CHN2: variants seen among roughly 807,000 people sequenced by gnomAD.
CHN2 encodes the protein chimerin 2, also known as beta-chimaerin.
Under a neutral mutation model 56.3 loss-of-function variants are expected in CHN2, and 35 were observed. That is an observed-to-expected ratio of 0.62 (90% CI 0.47 to 0.82). CHN2 has a LOEUF of 0.82. Among genes scored for constraint, CHN2 ranks in the 40% least tolerant of loss-of-function variants. The probability of loss-of-function intolerance (pLI) is 0.00; values close to 1 mark genes in which losing one functional copy is unlikely to be tolerated. For missense variants in CHN2, 491 were observed against 580.5 expected (o/e 0.85, Z 1.58); for synonymous variants, 210 against 212.8 (o/e 0.99, Z 0.12).
intron 12 of CHN2, 193 bp downstream of exon 12, chr7:29,509,599 C>G (rs1275357927): frequency 2.2e-6 from 1 of 455,504 alleles, no homozygotes; most frequent in Non-Finnish European, 4.1e-6. Flanking sequence ...AATCCCAGCA[C>G]TTTGGGAGGC....
chr7:29,169,580 A>G (rs1275253659), intron 2 of CHN2, among the ~76,000 whole-genome samples: 1 of 152,190 alleles, frequency 6.6e-6, no homozygotes, highest in Admixed American at 6.5e-5. Flanking sequence ...CTGAAGAGTA[A>G]CTGAAAAGAC....
intron 1 of CHN2, among the ~76,000 whole-genome samples, chr7:29,218,440 A>G (rs183386185): frequency 0.012 from 1,903 of 152,278 alleles, 37 homozygotes; most frequent in African/African-American, 0.043. Context: ...TGACCCAGCC[A>G]TCCCATTACT....
chr7:29,418,330 G>C (rs1180758391), intron 6 of CHN2, among the ~76,000 whole-genome samples: 1 of 152,252 alleles, frequency 6.6e-6, no homozygotes, highest in Non-Finnish European at 1.5e-5. Context: ...AGCGCGGGGA[G>C]GAGGCATGAT....
At chr7:29,346,366 GCCCA>G (rs562821297) in intron 1 of CHN2, among the ~76,000 whole-genome samples, 100 of 152,290 alleles carry the variant, frequency 6.6e-4, no homozygotes, top group African/African-American at 2.1e-3. Flanking sequence ...CCCATTCTGG[GCCCA>G]TTAAGCTAAT....
intron 6 of CHN2, among the ~76,000 whole-genome samples, chr7:29,435,221 C>A (rs567483507): frequency 1.3e-5 from 2 of 152,230 alleles, no homozygotes; most frequent in South Asian, 4.1e-4. Flanking sequence ...TGAGAGAAAC[C>A]AAAAGTGAAT....
At chr7:29,447,139 C>G (rs930096882) in intron 6 of CHN2, among the ~76,000 whole-genome samples, 1 of 152,138 alleles carries the variant, frequency 6.6e-6, no homozygotes, top group Non-Finnish European at 1.5e-5. Flanking sequence ...AAAACATCAT[C>G]TATGAGGGGA....
chr7:29,325,307 T>C (rs571385325), intron 1 of CHN2, among the ~76,000 whole-genome samples: 1 of 152,300 alleles, frequency 6.6e-6, no homozygotes, highest in African/African-American at 2.4e-5. Flanking sequence ...AGATGTGAGA[T>C]TTGAATTCAT....
At chr7:29,503,244 T>A (rs757868528) in intron 9 of CHN2, among the ~76,000 whole-genome samples, 4 of 152,104 alleles carry the variant, frequency 2.6e-5, no homozygotes. Flanking sequence ...GCAAGCTCGC[T>A]CTCTCACTCT....
chr7:29,453,409 G>A (rs1366410264), intron 6 of CHN2, among the ~76,000 whole-genome samples: 1 of 152,178 alleles, frequency 6.6e-6, no homozygotes, highest in African/African-American at 2.4e-5. Context: ...AGTGTCAGCT[G>A]TTTACAGAAA....
intron 2 of CHN2, chr7:29,147,234 C>T (rs1792865007): frequency 2.3e-6 from 1 of 437,726 alleles, no homozygotes. Context: ...AAGTAGATAA[C>T]ACAAAATAAA....
intron 1 of CHN2, among the ~76,000 whole-genome samples, chr7:29,244,335 C>T (rs1787911037): frequency 6.6e-6 from 1 of 152,194 alleles, no homozygotes; most frequent in African/African-American, 2.4e-5. Context: ...ATACAATCCA[C>T]CTCCCACACA....
At chr7:29,264,178 C>A (rs908097163) in intron 1 of CHN2, among the ~76,000 whole-genome samples, 2 of 138,722 alleles carry the variant, frequency 1.4e-5, no homozygotes. Context: ...TCTGCCTGGC[C>A]GCCCTGTCTG....
At chr7:29,271,925 C>T (rs891372901) in intron 1 of CHN2, among the ~76,000 whole-genome samples, 1 of 152,238 alleles carries the variant, frequency 6.6e-6, no homozygotes, top group Middle Eastern at 3.4e-3. Flanking sequence ...AGCTGGGGCT[C>T]ACTGGTTCTT....
chr7:29,214,598 T>G (rs1785203356), intron 1 of CHN2, among the ~76,000 whole-genome samples: 1 of 152,140 alleles, frequency 6.6e-6, no homozygotes, highest in Admixed American at 6.5e-5. Flanking sequence ...CACCAACAGT[T>G]TATTGGCCAG....
At chr7:29,369,083 T>C (rs1423115559) in intron 3 of CHN2, among the ~76,000 whole-genome samples, 8 of 152,162 alleles carry the variant, frequency 5.3e-5, no homozygotes, top group Non-Finnish European at 8.8e-5. Flanking sequence ...TCCAATGATA[T>C]TCAATATTTT....
At chr7:29,183,979 C>T (rs1329562142) in intron 2 of CHN2, among the ~76,000 whole-genome samples, 2 of 151,948 alleles carry the variant, frequency 1.3e-5, no homozygotes, top group Non-Finnish European at 2.9e-5. Flanking sequence ...TGTAAGTAAT[C>T]TAGACATGAT....
chr7:29,266,097 A>T (rs1013029219), intron 1 of CHN2, among the ~76,000 whole-genome samples: 1 of 152,216 alleles, frequency 6.6e-6, no homozygotes, highest in Non-Finnish European at 1.5e-5. Flanking sequence ...TGGCTGTCAA[A>T]GATGTGTGTA....
At chr7:29,146,742 T>A in exon 1 of CHN2, 1 of 1,550,448 alleles carries the variant, frequency 6.4e-7, no homozygotes, top group Non-Finnish European at 8.7e-7. Context: ...GGGGTGCCAT[T>A]CAGGTTGGTT....
intron 1 of CHN2, among the ~76,000 whole-genome samples, chr7:29,347,993 G>A (rs1169313104): frequency 6.6e-6 from 1 of 152,154 alleles, no homozygotes; most frequent in African/African-American, 2.4e-5. Flanking sequence ...TCTCTTAATG[G>A]TGCTTTTTTT....
Sources: gnomAD v4.1 joint callset for allele counts (sites outside exome capture counted in the v4.1 genomes callset) on GRCh38, gnomAD v4.1.1 for gene constraint, MANE v1.5 for transcripts, NCBI Gene and HGNC (gene_info 2026-07-23, HGNC 2026-07-21) for gene names.